Variants in MACROD2 observed in about 807,000 individuals in gnomAD.
MACROD2 encodes the protein ADP-ribose glycohydrolase MACROD2.
In MACROD2, 36 loss-of-function variants were observed where a neutral mutation model predicts 70.4. The ratio of observed to expected loss-of-function variants is 0.51; its 90% confidence interval spans 0.39 to 0.68. MACROD2 has a LOEUF of 0.68. MACROD2 is among the 30% of genes least tolerant of loss of function. The pLI is 0.00. For synonymous variants in MACROD2, 172 were observed against 178.8 expected (o/e 0.96, Z 0.30); for missense variants, 496 against 538.4 (o/e 0.92, Z 0.78).
At chr20:15,387,855 G>C (rs2045739924) in intron 6 of MACROD2, among the ~76,000 whole-genome samples, 1 of 151,264 alleles carries the variant, frequency 6.6e-6, no homozygotes, top group Non-Finnish European at 1.5e-5. Context: ...AGATCCTCTA[G>C]CCTCAGCATC....
At chr20:14,970,573 G>A (rs574876250) in intron 5 of MACROD2, among the ~76,000 whole-genome samples, 4 of 152,002 alleles carry the variant, frequency 2.6e-5, no homozygotes, top group African/African-American at 9.7e-5. Flanking sequence ...TATTCATGTT[G>A]TATGAAAACT....
At chr20:15,809,834 C>T (rs1193936941) in intron 8 of MACROD2, among the ~76,000 whole-genome samples, 1 of 150,606 alleles carries the variant, frequency 6.6e-6, no homozygotes, top group African/African-American at 2.4e-5. Context: ...GTGGGCACAT[C>T]TGAGTTGCCT....
intron 4 of MACROD2, among the ~76,000 whole-genome samples, chr20:14,621,467 T>C (rs1035358364): frequency 8.5e-5 from 13 of 152,164 alleles, no homozygotes; most frequent in Admixed American, 7.9e-4. Flanking sequence ...TTGCTCTAAC[T>C]TTAAAAGTAT....
chr20:14,647,289 A>G (rs1054232353), intron 4 of MACROD2, among the ~76,000 whole-genome samples: 4 of 152,090 alleles, frequency 2.6e-5, no homozygotes, highest in African/African-American at 9.7e-5. Flanking sequence ...GAAGCTACCC[A>G]GTTTGTTTAA....
intron 8 of MACROD2, among the ~76,000 whole-genome samples, chr20:15,517,138 G>A (rs772989874): frequency 3.3e-5 from 5 of 151,940 alleles, no homozygotes; most frequent in Admixed American, 6.6e-5. Flanking sequence ...TACTGAAGAG[G>A]TCCATGTTAC....
chr20:15,996,490 G>C (rs1420477946), intron 15 of MACROD2, among the ~76,000 whole-genome samples: 1 of 152,036 alleles, frequency 6.6e-6, no homozygotes, highest in Non-Finnish European at 1.5e-5. Context: ...TTTCTTTGTT[G>C]AGAGGTTTTT....
chr20:15,851,694 C>T (rs956650603), intron 8 of MACROD2, among the ~76,000 whole-genome samples: 7 of 152,154 alleles, frequency 4.6e-5, no homozygotes, highest in South Asian at 2.1e-4. Flanking sequence ...ATGGCCCTTC[C>T]GAGCTGCATC....
chr20:15,869,230 T>TAGAGAG (rs1287573400), intron 9 of MACROD2, among the ~76,000 whole-genome samples: 10 of 37,686 alleles, frequency 2.7e-4, no homozygotes, highest in East Asian at 1.3e-3. Flanking sequence ...TATATATATA[T>TAGAGAG]ATATATATAG....
intron 15 of MACROD2, among the ~76,000 whole-genome samples, chr20:16,033,061 A>G (rs898918083): frequency 6.6e-6 from 1 of 152,122 alleles, no homozygotes. Flanking sequence ...AAAACAGCCC[A>G]TTTCCAACTA....
At chr20:15,810,224 A>G (rs566149271) in intron 8 of MACROD2, among the ~76,000 whole-genome samples, 2 of 151,816 alleles carry the variant, frequency 1.3e-5, no homozygotes, top group East Asian at 3.9e-4. Context: ...ATAGTATTCC[A>G]TGGTGTATAT....
At chr20:15,569,879 G>A (rs1030377198) in intron 8 of MACROD2, among the ~76,000 whole-genome samples, 6 of 151,910 alleles carry the variant, frequency 3.9e-5, no homozygotes, top group African/African-American at 1.5e-4. Context: ...TTATTTATTC[G>A]TTCAACTGTT....
In MACROD2 at chr20:14,312,106, G is replaced by A. The variant is rs563785248; in HGVS notation, c.272-181373G>A. 8.6e-5 allele frequency among the ~76,000 whole-genome samples: 13 copies of A among 151,886 alleles called. No individual in the cohort carries two copies. In the South Asian group the frequency reaches 2.3e-3, roughly 27 times the overall value. On this transcript the variant is annotated intron_variant, in intron 3 of 17. Coordinates refer to ENST00000684519, the MANE Select transcript of MACROD2 (RefSeq NM_001351661.2). ...ATGTGACTGCTAGATATTCTTCTCC[G>A]GTTCTGTGTTTGGGCACAGCTTCAA...
chr20:14,195,769 G>C (rs1283158438), intron 3 of MACROD2, among the ~76,000 whole-genome samples: 2 of 152,172 alleles, frequency 1.3e-5, no homozygotes, highest in Non-Finnish European at 2.9e-5. Context: ...CTGCCAAGCA[G>C]CTCGACTCTA....
chr20:15,281,020 C>T (rs1287715230), intron 6 of MACROD2: 1 of 152,262 alleles, frequency 6.6e-6, no homozygotes, highest in Non-Finnish European at 1.5e-5. Context: ...GAAGTAGGCA[C>T]TTTCTTCACA....
In MACROD2 at chr20:14,040,605, G is replaced by A. The variant is rs192857714; in HGVS notation, c.163+38201G>A. The stretch of plus-strand genomic sequence containing the variant: ...ACTTGTTTAGGGCAGTTAGCTTGCA[G>A]GACTGAAAGTTGCTCTAAGTGAGTG... On this transcript the variant is annotated intron_variant, in intron 2 of 17. Coordinates refer to ENST00000684519, the MANE Select transcript of MACROD2 (RefSeq NM_001351661.2). 4.8e-3 allele frequency among the ~76,000 whole-genome samples: 726 copies of A among 152,248 alleles called. 6 individuals are homozygous for A. The highest frequency in any genetic ancestry group is 0.016 in the African/African-American group (664 of 41,546).
intron 10 of MACROD2, among the ~76,000 whole-genome samples, chr20:15,918,451 C>T (rs536538028): frequency 1.3e-5 from 2 of 152,210 alleles, no homozygotes; most frequent in South Asian, 2.1e-4. Flanking sequence ...TTTTAATTGG[C>T]GTTTTATGTC....
chr20:14,272,927 T>A (rs1021214564), intron 3 of MACROD2, among the ~76,000 whole-genome samples: 9 of 152,034 alleles, frequency 5.9e-5, no homozygotes, highest in African/African-American at 2.2e-4. Flanking sequence ...AGGGATCAAT[T>A]CAACAAGAAG....
At chr20:15,671,427 A>G (rs2049978474) in intron 8 of MACROD2, among the ~76,000 whole-genome samples, 1 of 152,204 alleles carries the variant, frequency 6.6e-6, no homozygotes, top group Admixed American at 6.5e-5. Flanking sequence ...TGGGGGGATT[A>G]TGGCCGTTTT....
intron 5 of MACROD2, among the ~76,000 whole-genome samples, chr20:15,061,521 C>T (rs1044494469): frequency 1.3e-5 from 2 of 152,256 alleles, no homozygotes; most frequent in East Asian, 1.9e-4. Flanking sequence ...GTCTCACTTT[C>T]CCACTCCCGT....
Sources: allele counts gnomAD v4.1 joint callset (sites outside exome capture counted in the v4.1 genomes callset), GRCh38; gene constraint gnomAD v4.1.1; transcripts MANE v1.5; gene names NCBI Gene and HGNC (gene_info 2026-07-23, HGNC 2026-07-21).